The following JAKMIP3 variants were observed in gnomAD, a reference collection of about 807,000 sequenced individuals.
JAKMIP3 encodes Janus kinase and microtubule interacting protein 3.
A neutral mutation model predicts 118.5 loss-of-function variants in JAKMIP3; 58 were observed. That is an observed-to-expected ratio of 0.49 (90% CI 0.40 to 0.61). The LOEUF (loss-of-function observed/expected upper bound fraction) is 0.61. Among genes scored for constraint, JAKMIP3 ranks in the 20% least tolerant of loss-of-function variants. The pLI is 0.00. For synonymous variants in JAKMIP3, 486 were observed against 451.2 expected, an observed-to-expected ratio of 1.08 and a Z score of -0.98; for missense variants, 950 against 1,109.0, an observed-to-expected ratio of 0.86 and a Z score of 2.04.
At chr10:132,156,645 G>A (rs2057127538) in intron 19 of JAKMIP3, among the ~76,000 whole-genome samples, 1 of 152,160 alleles carries the variant, frequency 6.6e-6, no homozygotes, top group Non-Finnish European at 1.5e-5. Context: ...GCCCTGACAT[G>A]CCCCACTCAT....
intron 1 of JAKMIP3, among the ~76,000 whole-genome samples, chr10:132,066,673 C>T (rs891117508): frequency 2.6e-5 from 4 of 152,244 alleles, no homozygotes; most frequent in African/African-American, 9.6e-5. Context: ...ATTGATATAA[C>T]TTCTTATGCA....
At chr10:132,078,296 C>T (rs544947114) in intron 1 of JAKMIP3, among the ~76,000 whole-genome samples, 9 of 152,134 alleles carry the variant, frequency 5.9e-5, no homozygotes, top group East Asian at 1.9e-4. Context: ...CTCTCAGTTG[C>T]ATCACACATT....
chr10:132,061,236 G>A (rs563105908), upstream of JAKMIP3, among the ~76,000 whole-genome samples: 16 of 32,300 alleles, frequency 5.0e-4, no homozygotes, highest in African/African-American at 2.0e-3. Flanking sequence ...TACACCTGCC[G>A]TGACGGCGCA....
chr10:132,155,866 C>T (rs977684830), intron 19 of JAKMIP3, among the ~76,000 whole-genome samples: 1 of 152,170 alleles, frequency 6.6e-6, no homozygotes, highest in Non-Finnish European at 1.5e-5. Context: ...GAGCTGGCCC[C>T]AGTGGTGGTG....
At chr10:132,149,560 G>GCCCCACCCCCTCCCTGCCCCCA in intron 15 of JAKMIP3, 50 bp downstream of exon 15, 2 of 601,304 alleles carry the variant, frequency 3.3e-6, no homozygotes, top group Non-Finnish European at 2.3e-6. Context: ...CCCATCCCCC[G>GCCCCACCCCCTCCCTGCCCCCA]CCCCACCCCC....
chr10:132,038,456 G>C (rs182203563), intron 1 of JAKMIP3, among the ~76,000 whole-genome samples: 1 of 152,100 alleles, frequency 6.6e-6, no homozygotes. Flanking sequence ...ATAACAATAA[G>C]CTAATTTTTA....
chr10:132,111,086 C>T (rs542887341), intron 2 of JAKMIP3, among the ~76,000 whole-genome samples: 15 of 152,214 alleles, frequency 9.9e-5, no homozygotes, highest in Admixed American at 2.0e-4. Flanking sequence ...AGAAAATTCA[C>T]GGCTATCACA....
intron 23 of JAKMIP3, among the ~76,000 whole-genome samples, chr10:132,173,692 T>G (rs2059849159): frequency 6.6e-6 from 1 of 151,376 alleles, no homozygotes; most frequent in South Asian, 2.1e-4. Context: ...TGGTGGTGTG[T>G]GGTGGCCTGT....
chr10:132,085,647 C>T (rs527716513), intron 1 of JAKMIP3, among the ~76,000 whole-genome samples: 3 of 152,074 alleles, frequency 2.0e-5, no homozygotes, highest in African/African-American at 7.2e-5. Context: ...ACTACCAGCG[C>T]ATGCCACCAT....
At chr10:132,059,870 A>G (rs1020654455), upstream of JAKMIP3, among the ~76,000 whole-genome samples, 1 of 152,160 alleles carries the variant, frequency 6.6e-6, no homozygotes, top group Admixed American at 6.5e-5. Flanking sequence ...CTGAGAGAGA[A>G]AGAGGGAGGG....
At chr10:132,123,705 T>G (rs923022222) in intron 3 of JAKMIP3, among the ~76,000 whole-genome samples, 1 of 152,144 alleles carries the variant, frequency 6.6e-6, no homozygotes, top group African/African-American at 2.4e-5. Flanking sequence ...CATTGCTGAG[T>G]GCAGCAGCAG....
In JAKMIP3 at chr10:132,120,889, C is replaced by T. The variant is rs144795755; in HGVS notation, c.633+3315C>T. Among the ~76,000 whole-genome samples the T allele has an allele frequency of 6.5e-4, 99 of 152,328 alleles. No individual in the cohort carries two copies. In the South Asian group the frequency reaches 8.5e-3, roughly 13 times the overall value. On this transcript the variant is annotated intron_variant, in intron 3 of 23. Transcript: ENST00000684848. The stretch of plus-strand genomic sequence containing the variant: ...GGGAGTGTCTGGAGTTAAATCTACG[C>T]GTGAGGTGGAGGGGCTGGGAGAGCC...
chr10:132,153,826 A>G lies in JAKMIP3; in HGVS notation c.2141A>G (p.Lys714Arg). The G allele has an allele frequency of 6.2e-7, 1 of 1,613,054 alleles. No individual in the cohort carries two copies. ...AAGATGGTGGATCTGGAGAGCGAGA[A>G]GGTTGGTGGCACCTTCACCGAGGTT... ...QRKMVDLESE[K>R]ELFSKQKGYL... is the part of the protein sequence containing the mutation. Residue 714 changes from lysine (K) to arginine (R), a missense_variant and splice_region_variant, in exon 18 of 24, where the codon AAG becomes AGG. Transcript: ENST00000684848.
chr10:132,125,809 A>AT lies in JAKMIP3; in HGVS notation c.634-7498dup, dbSNP rs568217433. On this transcript the variant is annotated intron_variant, in intron 3 of 23. Coordinates refer to ENST00000684848, the MANE Select transcript of JAKMIP3 (RefSeq NM_001323087.2). ...TCGCTGCTATACAGAAATACAATTGATTTTTATATCGATCTTCTAACCTGC... is the reference window on the plus strand; with the variant it reads ...TCGCTGCTATACAGAAATACAATTGATTTTTTATATCGATCTTCTAACCTGC... 5.9e-4 allele frequency among the ~76,000 whole-genome samples: 90 copies of AT among 152,334 alleles called. 2 individuals carry two copies. In the South Asian group the frequency reaches 0.016, roughly 28 times the overall value.
chr10:132,039,273 A>C (rs1241123429), intron 1 of JAKMIP3, among the ~76,000 whole-genome samples: 1 of 152,088 alleles, frequency 6.6e-6, no homozygotes, highest in Non-Finnish European at 1.5e-5. Flanking sequence ...GGCATGAGCC[A>C]CCGTGCCCAG....
intron 3 of JAKMIP3, among the ~76,000 whole-genome samples, chr10:132,128,862 G>A (rs1046504666): frequency 1.3e-5 from 2 of 152,112 alleles, no homozygotes; most frequent in Admixed American, 6.6e-5. Context: ...GATTTAAAAA[G>A]TTCCTATCGG....
chr10:132,127,075 G>T (rs888820006), intron 3 of JAKMIP3, among the ~76,000 whole-genome samples: 1 of 151,972 alleles, frequency 6.6e-6, no homozygotes, highest in Non-Finnish European at 1.5e-5. Context: ...GGAGTTTTGT[G>T]ATATATTTTT....
In JAKMIP3 at chr10:132,092,662, A is replaced by G. The variant is rs574830285; in HGVS notation, c.-137-12010A>G. On this transcript the variant is annotated intron_variant, in intron 1 of 23. Transcript: ENST00000684848. ...TCTACATTGGTTATTCTAGTTAGCC[A>G]TTTGTCTAATCTTTTTTTCAAGGTT... Among the ~76,000 whole-genome samples, 335 of 151,894 alleles carry G rather than the reference A, an allele frequency of 2.2e-3. 3 individuals are homozygous for G. Among genetic ancestry groups the G allele is most frequent in the African/African-American group, 7.7e-3 (320 of 41,426 alleles).
intron 23 of JAKMIP3, among the ~76,000 whole-genome samples, chr10:132,177,743 T>G (rs575474553): frequency 7.2e-6 from 1 of 138,368 alleles, no homozygotes; most frequent in East Asian, 2.3e-4. Context: ...GTGTGCACAC[T>G]GCATTTGGTG....
Sources: gnomAD v4.1 joint callset for allele counts (sites outside exome capture counted in the v4.1 genomes callset) on GRCh38, gnomAD v4.1.1 for gene constraint, MANE v1.5 for transcripts, NCBI Gene and HGNC (gene_info 2026-07-23, HGNC 2026-07-21) for gene names.